Variants in ARHGAP5 observed in about 807,000 individuals in gnomAD.
The protein encoded by ARHGAP5 is Rho GTPase activating protein 5, also known as rho GTPase-activating protein 5.
ARHGAP5 carries 23 observed loss-of-function variants against 116.6 expected under a neutral mutation model. That is an observed-to-expected ratio of 0.20 (90% CI 0.14 to 0.28). The LOEUF (loss-of-function observed/expected upper bound fraction) is 0.28. Ranked by LOEUF, ARHGAP5 falls within the 10% of genes least tolerant of loss-of-function variation. The probability of loss-of-function intolerance (pLI) is 1.00; values close to 1 mark genes in which losing one functional copy is unlikely to be tolerated. For synonymous variants in ARHGAP5, 574 were observed against 602.0 expected (o/e 0.95, Z 0.68); for missense variants, 1,405 against 1,774.8 (o/e 0.79, Z 3.74).
chr14:32,125,470 C>T (rs1041972274), intron 3 of ARHGAP5, among the ~76,000 whole-genome samples: 1 of 152,146 alleles, frequency 6.6e-6, no homozygotes, highest in Non-Finnish European at 1.5e-5. Context: ...CGTTCAAGTA[C>T]CTGTTTTCAA....
At chr14:32,107,103 A>G (rs1044266077) in intron 2 of ARHGAP5, among the ~76,000 whole-genome samples, 10 of 152,168 alleles carry the variant, frequency 6.6e-5, no homozygotes, top group Non-Finnish European at 1.2e-4. Flanking sequence ...AACAGACTAT[A>G]TGTTTCTCAA....
intron 3 of ARHGAP5, among the ~76,000 whole-genome samples, chr14:32,133,513 C>T (rs1415228513): frequency 5.3e-5 from 8 of 152,176 alleles, no homozygotes; most frequent in South Asian, 2.1e-4. Flanking sequence ...GATATACAAT[C>T]ATGTCATCTG....
chr14:32,135,865 A>G (rs1880763016), intron 3 of ARHGAP5, among the ~76,000 whole-genome samples: 1 of 152,210 alleles, frequency 6.6e-6, no homozygotes, highest in African/African-American at 2.4e-5. Context: ...TACATTACCA[A>G]ATGATCAAAT....
chr14:32,106,182 C>T (rs61994789), intron 2 of ARHGAP5, among the ~76,000 whole-genome samples: 3,781 of 152,176 alleles, frequency 0.025, 70 homozygotes, highest in South Asian at 0.049. Flanking sequence ...AGTGCAGTGG[C>T]GCGATCTCAG....
intron 2 of ARHGAP5, among the ~76,000 whole-genome samples, chr14:32,107,635 A>AGGT (rs2139049496): frequency 6.6e-6 from 1 of 152,352 alleles, no homozygotes; most frequent in East Asian, 1.9e-4. Flanking sequence ...GGAAAAGAGA[A>AGGT]AACCAAGGTT....
Position 32,090,783 on chromosome 14 carries a change from C to T in ARHGAP5, c.114C>T (p.Cys38=). Residue 38 remains cysteine (C), a synonymous_variant, in exon 2 of 7, where the codon TGC becomes TGT. Coordinates refer to ENST00000345122, the MANE Select transcript of ARHGAP5 (RefSeq NM_001030055.2). ...GTGGAGTTGGAAAGTCTTGTTTGTGCAATAGATTTGTACGCTCAAAAGCAG... is the reference window on the plus strand; with the variant it reads ...GTGGAGTTGGAAAGTCTTGTTTGTGTAATAGATTTGTACGCTCAAAAGCAG... ...GNCGVGKSCL[C]NRFVRSKADE... is the part of the protein sequence containing the mutation. The T allele has an allele frequency of 6.2e-7, 1 of 1,613,582 alleles. No individual in the cohort carries two copies. Among genetic ancestry groups the T allele is most frequent in the Non-Finnish European group, 8.5e-7 (1 of 1,179,596 alleles).
intron 3 of ARHGAP5, among the ~76,000 whole-genome samples, chr14:32,143,534 G>A (rs1020368421): frequency 3.3e-5 from 5 of 152,040 alleles, no homozygotes; most frequent in Non-Finnish European, 7.3e-5. Flanking sequence ...ATGAGCCACC[G>A]TGCCCAGCCA....
rs1436635673 is a variant in ARHGAP5 at position 32,093,244 on chromosome 14, C to T, written c.2575C>T (p.Arg859Trp). ...GTATATATTAGTTTACTCTGCAAAACGGAAAGCTTCGATGGGAATGCTTCG... is the reference window on the plus strand; with the variant it reads ...GTATATATTAGTTTACTCTGCAAAATGGAAAGCTTCGATGGGAATGCTTCG... ...HGYILVYSAK[R>W]KASMGMLRAF... Residue 859 changes from arginine to tryptophan, a missense_variant, in exon 2 of 7, where the codon CGG (arginine) becomes TGG (tryptophan). Coordinates refer to ENST00000345122, the MANE Select transcript of ARHGAP5 (RefSeq NM_001030055.2). The T allele has an allele frequency of 4.3e-6, 7 of 1,613,584 alleles. No homozygotes were observed. The highest frequency in any genetic ancestry group is 1.1e-5 in the South Asian group (1 of 90,990).
chr14:32,078,219 C>T (rs2041732744), intron 1 of ARHGAP5: 1 of 152,236 alleles, frequency 6.6e-6, no homozygotes, highest in Non-Finnish European at 1.5e-5. Context: ...CTCCCTCTCA[C>T]CCTCCCTCTT....
chr14:32,121,193 A>C (rs929778725), intron 3 of ARHGAP5, among the ~76,000 whole-genome samples: 1 of 151,872 alleles, frequency 6.6e-6, no homozygotes, highest in African/African-American at 2.4e-5. Flanking sequence ...GTTTTGGTAG[A>C]AACAGGGTTT....
chr14:32,141,271 T>C (rs1481499866), intron 3 of ARHGAP5, among the ~76,000 whole-genome samples: 1 of 152,174 alleles, frequency 6.6e-6, no homozygotes, highest in Non-Finnish European at 1.5e-5. Flanking sequence ...ATTCTACTAA[T>C]CTCTGTCTTA....
intron 2 of ARHGAP5, among the ~76,000 whole-genome samples, chr14:32,102,910 T>C (rs1878855190): frequency 6.6e-6 from 1 of 152,264 alleles, no homozygotes; most frequent in African/African-American, 2.4e-5. Context: ...TGGTCATTCA[T>C]TGGCTCTGCT....
rs1255709187 is a variant in ARHGAP5, at chr14:32,157,573, C to G, written c.*2625C>G. ...AAAGAAGCATAGTGGTACTCTGTTT[C>G]ACACTTTCAGTAGATTTATTAGAAG... On this transcript the variant is annotated 3_prime_UTR_variant, in exon 7 of 7. Coordinates refer to ENST00000345122, the MANE Select transcript of ARHGAP5 (RefSeq NM_001030055.2). 1 of 152,174 alleles carries G rather than the reference C, an allele frequency of 6.6e-6. No homozygotes were observed. The highest frequency in any genetic ancestry group is 1.5e-5 in the Non-Finnish European group (1 of 67,716). The allele number at this position is 152,174 out of a possible 1,614,324, so 9.4% of individuals were successfully genotyped here. A position where few individuals can be genotyped will look rare whatever the true frequency, so the allele number is the denominator to read the frequency against.
chr14:32,115,828 A>AAT (rs397853382), intron 2 of ARHGAP5, among the ~76,000 whole-genome samples: 16 of 148,184 alleles, frequency 1.1e-4, no homozygotes, highest in African/African-American at 3.7e-4. Context: ...AAAAAAAAAA[A>AAT]TTAGCTGGGC....
At chr14:32,104,684 T>A (rs900937766) in intron 2 of ARHGAP5, among the ~76,000 whole-genome samples, 4 of 152,242 alleles carry the variant, frequency 2.6e-5, no homozygotes, top group Admixed American at 2.0e-4. Flanking sequence ...TGTTTTTCTA[T>A]GTTATAACCT....
intron 3 of ARHGAP5, among the ~76,000 whole-genome samples, chr14:32,135,689 ATG>A (rs1178914057): frequency 1.1e-4 from 16 of 152,272 alleles, no homozygotes; most frequent in African/African-American, 3.8e-4. Context: ...TCCCAAAGTG[ATG>A]TGATTACAGG....
At chr14:32,109,017 T>C (rs574919454) in intron 2 of ARHGAP5, among the ~76,000 whole-genome samples, 1 of 152,292 alleles carries the variant, frequency 6.6e-6, no homozygotes, top group South Asian at 2.1e-4. Context: ...TGCTGCTTGA[T>C]AGATTGAATT....
At chr14:32,152,080 C>G (rs1452320567) in intron 5 of ARHGAP5, among the ~76,000 whole-genome samples, 1 of 152,104 alleles carries the variant, frequency 6.6e-6, no homozygotes, top group Non-Finnish European at 1.5e-5. Context: ...TTAGGTGCGG[C>G]ATTAGATTCT....
At position 32,158,317 on chromosome 14, in the gene ARHGAP5, A is replaced by G. The variant is rs148788825; in HGVS notation, c.*3369A>G. On this transcript the variant is annotated 3_prime_UTR_variant, in exon 7 of 7. Coordinates refer to ENST00000345122, the MANE Select transcript of ARHGAP5 (RefSeq NM_001030055.2). ...GATTCAAAATTTTTTCTGGGGATGT[A>G]TATAGGTGAAAATTTGATTTTTTAA... The G allele has an allele frequency of 6.6e-6, 1 of 152,046 alleles. No individual in the cohort carries two copies. Among genetic ancestry groups the G allele is most frequent in the Admixed American group, 6.5e-5 (1 of 15,268 alleles). The allele number at this position is 152,046 out of a possible 1,614,324, so 9.4% of individuals were successfully genotyped here. A position where few individuals can be genotyped will look rare whatever the true frequency, so the allele number is the denominator to read the frequency against.
Sources: gnomAD v4.1 joint callset for allele counts (sites outside exome capture counted in the v4.1 genomes callset) on GRCh38, gnomAD v4.1.1 for gene constraint, MANE v1.5 for transcripts, NCBI Gene and HGNC (gene_info 2026-07-23, HGNC 2026-07-21) for gene names.